The following SPRY1 variants were observed in gnomAD, a reference collection of about 807,000 sequenced individuals.
SPRY1 encodes protein sprouty homolog 1.
Under a neutral mutation model 22.6 loss-of-function variants are expected in SPRY1, and 20 were observed. The observed-to-expected ratio is 0.89, with a 90% confidence interval of 0.62 to 1.29. The LOEUF (loss-of-function observed/expected upper bound fraction) is 1.29, where lower values mean the gene tolerates loss of function less well. Ranked by LOEUF, SPRY1 falls within the 50% of genes most tolerant of loss-of-function variation. The probability of loss-of-function intolerance (pLI) is 0.00; values close to 1 mark genes in which losing one functional copy is unlikely to be tolerated. For synonymous variants in SPRY1, 155 were observed against 144.7 expected (o/e 1.07, Z -0.51); for missense variants, 446 against 387.7 (o/e 1.15, Z -1.26).
In SPRY1 at chr4:123,402,207, C is replaced by T. The variant is rs1461030673; in HGVS notation, c.616C>T (p.Arg206Trp). 8.7e-6 allele frequency: 14 copies of T among 1,614,092 alleles called. No individual in the cohort carries two copies. Among genetic ancestry groups the T allele is most frequent in the South Asian group, 2.2e-5 (2 of 91,086 alleles). Residue 206 changes from arginine to tryptophan, a missense_variant, in exon 3 of 3, where the codon CGG becomes TGG. Physicochemically the swap from Arg to Trp is moderately radical, Grantham distance 101. Coordinates refer to ENST00000651917, the MANE Select transcript of SPRY1 (RefSeq NM_001258038.2). ...CCTACCATCCTGTTTGGCCTGTAAC[C>T]GGCAGTGCCTTTGCTCTGCTGAGAG... ...RTLPSCLACNRQCLCSAESMV... is the reference protein window; with the variant it reads ...RTLPSCLACNWQCLCSAESMV...
intron 2 of SPRY1, among the ~76,000 whole-genome samples, chr4:123,400,555 T>C (rs943653668): frequency 5.3e-5 from 8 of 152,224 alleles, no homozygotes; most frequent in Non-Finnish European, 1.2e-4. Context: ...ACTATTAGTA[T>C]GGAAACACAA....
intron 2 of SPRY1, among the ~76,000 whole-genome samples, chr4:123,398,668 C>T (rs1174733587): frequency 1.3e-5 from 2 of 151,922 alleles, no homozygotes; most frequent in Non-Finnish European, 2.9e-5. Context: ...TCGGCGCGGC[C>T]CCTCCCGCCG....
rs961565369 is a variant in SPRY1 at position 123,396,807 on chromosome 4, A to G, written c.-427A>G. ...GCTGAAATTCTGCGTAGCCGGAGTGAGACCGCTCTGCAAACCACTGCGTGC... is the reference window on the plus strand; with the variant it reads ...GCTGAAATTCTGCGTAGCCGGAGTGGGACCGCTCTGCAAACCACTGCGTGC... On this transcript the variant is annotated 5_prime_UTR_variant, in exon 1 of 3. Coordinates refer to ENST00000651917, the MANE Select transcript of SPRY1 (RefSeq NM_001258038.2). 7 of 152,294 alleles carry G rather than the reference A, an allele frequency of 4.6e-5. No individual in the cohort carries two copies. The highest frequency in any genetic ancestry group is 1.7e-4 in the African/African-American group (7 of 41,466). 9.4% of individuals were successfully genotyped at this position (152,294 alleles called of 1,614,324 possible). A position where few individuals can be genotyped will look rare whatever the true frequency, so the allele number is the denominator to read the frequency against.
chr4:123,399,180 C>G (rs6844025), intron 2 of SPRY1, among the ~76,000 whole-genome samples: 38,887 of 151,972 alleles, frequency 0.26, 5,556 homozygotes, highest in African/African-American at 0.37. Context: ...AGTTCGAGAC[C>G]AGCCCGACCA....
In SPRY1 at chr4:123,401,896, T is replaced by C; in HGVS notation, c.305T>C (p.Leu102Pro). The stretch of plus-strand genomic sequence containing the variant: ...ACAAGCCACCTGGGACATGCAGTAC[T>C]CCCAAGTAATGCCAGGGGCCCCATT... ...RHTSHLGHAV[L>P]PSNARGPILS... Residue 102 changes from leucine (L) to proline (P), a missense_variant, in exon 3 of 3, where the codon CTC (leucine) becomes CCC (proline). Physicochemically the swap from Leu to Pro is moderately conservative, Grantham distance 98 (BLOSUM62 -3). Coordinates refer to ENST00000651917, the MANE Select transcript of SPRY1 (RefSeq NM_001258038.2). 6.2e-7 allele frequency: 1 copy of C among 1,614,142 alleles called. No homozygotes were observed. Among genetic ancestry groups the C allele is most frequent in the South Asian group, 1.1e-5 (1 of 91,076 alleles).
Position 123,403,112 on chromosome 4 carries a change from C to T in SPRY1, c.*561C>T, listed in dbSNP as rs981050867. 21 of 289,086 alleles carry T rather than the reference C, an allele frequency of 7.3e-5. No homozygotes were observed. Among genetic ancestry groups the T allele is most frequent in the Non-Finnish European group, 1.1e-4 (16 of 148,830 alleles). The allele number at this position is 289,086 out of a possible 1,614,324, so 17.9% of individuals were successfully genotyped here. On this transcript the variant is annotated 3_prime_UTR_variant, in exon 3 of 3. Transcript: ENST00000651917. ...CCTTCTTTCTCCTTCAAGGTTCTTT[C>T]CCCCTCAGTTTTGTTGTTGTCTTAC...
At chr4:123,400,508 G>A (rs1181545095) in intron 2 of SPRY1, 1 of 152,092 alleles carries the variant, frequency 6.6e-6, no homozygotes, top group Non-Finnish European at 1.5e-5. Context: ...TTTCATCTTT[G>A]GCAGTTTGTG....
rs1368309367 is a variant in SPRY1 at position 123,402,587 on chromosome 4, C to T, written c.*36C>T. 11 of 1,543,518 alleles carry T rather than the reference C, an allele frequency of 7.1e-6. No homozygotes were observed. Among genetic ancestry groups the T allele is most frequent in the Non-Finnish European group, 9.6e-6 (11 of 1,146,714 alleles). On this transcript the variant is annotated 3_prime_UTR_variant, in exon 3 of 3. Transcript: ENST00000651917. ...TGGGTTGTACCTCCTGAACTTTTAG[C>T]TTTCAAGTTGTGGCTGTTTTTTGTT...
At position 123,396,813 on chromosome 4, in the gene SPRY1, C is replaced by G. The variant is rs974314424; in HGVS notation, c.-421C>G. 6.6e-6 allele frequency: 1 copy of G among 152,232 alleles called. No individual in the cohort carries two copies. Among genetic ancestry groups the G allele is most frequent in the Non-Finnish European group, 1.5e-5 (1 of 68,066 alleles). The allele number at this position is 152,232 out of a possible 1,614,324, so 9.4% of individuals were successfully genotyped here. ...ATTCTGCGTAGCCGGAGTGAGACCG[C>G]TCTGCAAACCACTGCGTGCTTTGCA... is the stretch of plus-strand genomic sequence containing the variant. On this transcript the variant is annotated 5_prime_UTR_variant, in exon 1 of 3. Transcript: ENST00000651917.
chr4:123,399,061 G>A (rs1225297956), intron 2 of SPRY1, among the ~76,000 whole-genome samples: 2 of 152,296 alleles, frequency 1.3e-5, no homozygotes, highest in East Asian at 1.9e-4. Context: ...CAGGGGAAGG[G>A]AGAGGGCACT....
Position 123,402,169 on chromosome 4 carries a change from C to T in SPRY1, c.578C>T (p.Thr193Ile), listed in dbSNP as rs1225022544. 5 of 1,614,230 alleles carry T rather than the reference C, an allele frequency of 3.1e-6. No homozygotes were observed. The highest frequency in any genetic ancestry group is 4.5e-5 in the East Asian group (2 of 44,884). Residue 193 changes from threonine to isoleucine, a missense_variant, in exon 3 of 3, where the codon ACT becomes ATT. Transcript: ENST00000651917. ...QCGKCKCGECTAPRTLPSCLA... is the reference protein window; with the variant it reads ...QCGKCKCGECIAPRTLPSCLA... ...GGGAAGTGCAAGTGTGGAGAATGCA[C>T]TGCTCCCAGGACCCTACCATCCTGT... is the stretch of plus-strand genomic sequence containing the variant.
In SPRY1 at chr4:123,402,950, C is replaced by G; in HGVS notation, c.*399C>G. ...GGGAAATTGGTTTTTTAAAAAGCAA[C>G]TGTTTAATTGCTTAAATAAGCTATG... On this transcript the variant is annotated 3_prime_UTR_variant, in exon 3 of 3. Coordinates refer to ENST00000651917, the MANE Select transcript of SPRY1 (RefSeq NM_001258038.2). 1 of 430,190 alleles carries G rather than the reference C, an allele frequency of 2.3e-6. No homozygotes were observed. The highest frequency in any genetic ancestry group is 4.2e-6 in the Non-Finnish European group (1 of 235,358). 26.6% of individuals were successfully genotyped at this position (430,190 alleles called of 1,614,324 possible).
intron 2 of SPRY1, among the ~76,000 whole-genome samples, chr4:123,398,840 C>A (rs1156713996): frequency 6.6e-6 from 1 of 151,862 alleles, no homozygotes; most frequent in African/African-American, 2.4e-5. Context: ...GAGAGCCCTT[C>A]ACGCCCAAGG....
chr4:123,402,668 C>G lies in SPRY1; in HGVS notation c.*117C>G, dbSNP rs1004583075. ...TTTCCCTGTTTCCCACCTTCTCTTC[C>G]CCTGTTGCCAAGGTCTAACTCATGG... On this transcript the variant is annotated 3_prime_UTR_variant, in exon 3 of 3. Transcript: ENST00000651917. 5 of 1,334,180 alleles carry G rather than the reference C, an allele frequency of 3.7e-6. No individual in the cohort carries two copies. In the African/African-American group the frequency reaches 7.3e-5, roughly 20 times the overall value. 82.6% of individuals were successfully genotyped at this position (1,334,180 alleles called of 1,614,324 possible).
At position 123,401,796 on chromosome 4, in the gene SPRY1, C is replaced by G. The variant is rs760985314; in HGVS notation, c.205C>G (p.Pro69Ala). 4.3e-6 allele frequency: 7 copies of G among 1,614,188 alleles called. No homozygotes were observed. Among genetic ancestry groups the G allele is most frequent in the Non-Finnish European group, 4.2e-6 (5 of 1,180,034 alleles). Residue 69 changes from proline to alanine, a missense_variant, in exon 3 of 3, where the codon CCA becomes GCA. By Grantham distance (27) the Pro-to-Ala change is conservative (BLOSUM62 -1). Transcript: ENST00000651917. ...VVKRPAPRTA[P>A]RQEKHERTHE... ...GAAAAGACCTGCTCCTCGGACAGCA[C>G]CAAGACAAGAAAAGCATGAAAGGAC...
In SPRY1 at chr4:123,401,949, G is replaced by A; in HGVS notation, c.358G>A (p.Ala120Thr). The change falls in exon 3 of 3, where the codon GCA becomes ACA. Residue 120 changes from alanine to threonine, a missense_variant. By Grantham distance (58) the Ala-to-Thr change is moderately conservative. Coordinates refer to ENST00000651917, the MANE Select transcript of SPRY1 (RefSeq NM_001258038.2). ...ILSRSTSTGS[A>T]ASSGSNSSAS... Reference sequence around the variant, plus strand: ...GAGCAGATCAACCAGCACTGGAAGTGCAGCCAGCTCTGGGAGCAACAGCAG... The same window carrying A: ...GAGCAGATCAACCAGCACTGGAAGTACAGCCAGCTCTGGGAGCAACAGCAG... 1 of 1,614,200 alleles carries A rather than the reference G, an allele frequency of 6.2e-7. No individual in the cohort carries two copies. Among genetic ancestry groups the A allele is most frequent in the East Asian group, 2.2e-5 (1 of 44,886 alleles).
rs769682383 is a variant in SPRY1, at chr4:123,402,055, G to A, written c.464G>A (p.Arg155Gln). 51 of 1,614,038 alleles carry A rather than the reference G, an allele frequency of 3.2e-5. No individual in the cohort carries two copies. Among genetic ancestry groups the A allele is most frequent in the South Asian group, 6.6e-5 (6 of 91,078 alleles). ...VPGHRSERAI[R>Q]TQPKQLIVDD... Reference sequence around the variant, plus strand: ...GGTCATAGGTCTGAAAGGGCAATCCGGACCCAGCCCAAGCAACTGATTGTG... The same window carrying A: ...GGTCATAGGTCTGAAAGGGCAATCCAGACCCAGCCCAAGCAACTGATTGTG... Residue 155 changes from arginine to glutamine, a missense_variant, in exon 3 of 3, where the codon CGG becomes CAG. Arg to Gln is a conservative substitution (Grantham distance 43). Coordinates refer to ENST00000651917, the MANE Select transcript of SPRY1 (RefSeq NM_001258038.2).
intron 2 of SPRY1, among the ~76,000 whole-genome samples, chr4:123,400,606 A>T (rs1270868770): frequency 1.3e-5 from 2 of 152,252 alleles, no homozygotes; most frequent in African/African-American, 4.8e-5. Context: ...TGATTTTGTT[A>T]CAAGAAGAAC....
intron 2 of SPRY1, among the ~76,000 whole-genome samples, chr4:123,398,830 G>A (rs531922065): frequency 6.6e-6 from 1 of 151,734 alleles, no homozygotes; most frequent in East Asian, 2.0e-4. Context: ...TGTCCTCTCG[G>A]AGAGCCCTTC....
Sources: allele counts gnomAD v4.1 joint callset (sites outside exome capture counted in the v4.1 genomes callset), GRCh38; gene constraint gnomAD v4.1.1; transcripts MANE v1.5; gene names NCBI Gene and HGNC (gene_info 2026-07-23, HGNC 2026-07-21).